Variants in DHRSX observed in about 807,000 individuals in gnomAD.
DHRSX encodes the protein dehydrogenase/reductase X-linked.
A neutral mutation model predicts 34.0 loss-of-function variants in DHRSX; 31 were observed. The ratio of observed to expected loss-of-function variants is 0.91; its 90% CI spans 0.69 to 1.23. DHRSX has a LOEUF of 1.23. Among genes scored for constraint, DHRSX ranks in the 50% most tolerant of loss-of-function variants. The pLI is 0.00. For synonymous variants in DHRSX, 201 were observed against 183.8 expected (o/e 1.09, Z -0.76); for missense variants, 414 against 428.1 (o/e 0.97, Z 0.29).
intron 4 of DHRSX, among the ~76,000 whole-genome samples, chrX:2,288,159 AAG>A (rs1248305851): frequency 5.9e-5 from 9 of 151,972 alleles, no homozygotes; most frequent in African/African-American, 2.2e-4. Context: ...GAGAGAGAGA[AAG>A]AGAGAGAAGG....
intron 2 of DHRSX, among the ~76,000 whole-genome samples, chrX:2,409,163 G>A (rs751653897): frequency 2.3e-4 from 35 of 152,312 alleles, no homozygotes; most frequent in South Asian, 8.3e-4. Flanking sequence ...GGATGGAAAC[G>A]AATTTTCGAA....
intron 2 of DHRSX, among the ~76,000 whole-genome samples, chrX:2,414,561 A>G (rs1487078759): frequency 2.6e-5 from 4 of 151,910 alleles, no homozygotes; most frequent in African/African-American, 9.7e-5. Flanking sequence ...ATTATATCTC[A>G]TCATGACCAT....
At chrX:2,338,841 G>A (rs186491701) in intron 3 of DHRSX, among the ~76,000 whole-genome samples, 3 of 151,870 alleles carry the variant, frequency 2.0e-5, no homozygotes, top group East Asian at 1.9e-4. Context: ...CAAAACCGAC[G>A]AAGACACCCC....
intron 3 of DHRSX, among the ~76,000 whole-genome samples, chrX:2,341,687 G>A (rs2042642241): frequency 4.2e-5 from 2 of 47,670 alleles, no homozygotes; most frequent in Admixed American, 4.0e-4. Flanking sequence ...GGGTAAAATA[G>A]AGGCACCATT....
intron 3 of DHRSX, among the ~76,000 whole-genome samples, chrX:2,299,925 C>A (rs1322327242): frequency 2.6e-5 from 4 of 151,672 alleles, no homozygotes; most frequent in Middle Eastern, 6.4e-3. Flanking sequence ...GAGGGCAAGT[C>A]AGAAATACAG....
intron 5 of DHRSX, among the ~76,000 whole-genome samples, chrX:2,246,748 G>GAAAGAAAGAAAGAAAA (rs776138629): frequency 9.6e-6 from 1 of 103,778 alleles, no homozygotes; most frequent in African/African-American, 3.1e-5. Flanking sequence ...AAGAAAGAAA[G>GAAAGAAAGAAAGAAAA]AAAAAGAAAG....
intron 3 of DHRSX, among the ~76,000 whole-genome samples, chrX:2,293,865 G>A (rs1236323991): frequency 2.6e-5 from 4 of 152,218 alleles, no homozygotes; most frequent in Non-Finnish European, 5.9e-5. Flanking sequence ...GCACTGATGT[G>A]TAAAATGCCA....
chrX:2,480,234 A>T (rs1227922184), intron 1 of DHRSX, among the ~76,000 whole-genome samples: 1 of 151,714 alleles, frequency 6.6e-6, no homozygotes, highest in Non-Finnish European at 1.5e-5. Flanking sequence ...GGACTGGAAG[A>T]TACAATGTGA....
intron 3 of DHRSX, among the ~76,000 whole-genome samples, chrX:2,313,626 C>A (rs1397938559): frequency 6.6e-6 from 1 of 151,768 alleles, no homozygotes; most frequent in African/African-American, 2.4e-5. Flanking sequence ...CTCGGCCTCC[C>A]AAAGTGCTAG....
intron 5 of DHRSX, among the ~76,000 whole-genome samples, chrX:2,250,420 C>A (rs2016410495): frequency 6.6e-6 from 1 of 152,054 alleles, no homozygotes; most frequent in South Asian, 2.1e-4. Flanking sequence ...ATCCCGAGAG[C>A]TGCTGGTGGC....
chrX:2,272,295 G>A lies in DHRSX; in HGVS notation c.389-5348C>T, dbSNP rs186363547. Reference sequence around the variant, plus strand: ...AATCTGGAGACACACAGCTCAATCCGTGCCTGAAGTGTCATAAATTCCCAG... The same window carrying A: ...AATCTGGAGACACACAGCTCAATCCATGCCTGAAGTGTCATAAATTCCCAG... On this transcript the variant is annotated intron_variant, in intron 4 of 6. Coordinates refer to ENST00000334651, the MANE Select transcript of DHRSX (RefSeq NM_145177.3). 4.2e-3 allele frequency among the ~76,000 whole-genome samples: 646 copies of A among 152,104 alleles called. 5 individuals carry two copies. The highest frequency in any genetic ancestry group is 0.017 in the Middle Eastern group (5 of 294).
intron 3 of DHRSX, among the ~76,000 whole-genome samples, chrX:2,394,868 GAAA>G (rs35184380): frequency 7.4e-6 from 1 of 135,524 alleles, no homozygotes; most frequent in African/African-American, 2.7e-5. Context: ...TCCGTCTCAT[GAAA>G]AAAAAAAAAA....
intron 1 of DHRSX, among the ~76,000 whole-genome samples, chrX:2,495,892 C>T (rs1202480802): frequency 2.6e-5 from 4 of 152,188 alleles, no homozygotes; most frequent in South Asian, 2.1e-4. Flanking sequence ...CTTACCAGAA[C>T]GACACGTCGC....
rs1362981723 is a variant in DHRSX at position 2,408,139 on chromosome X, G to A, written c.286+606C>T. ...TTTCTTTCTTTTTTTTTTTTGAGAC[G>A]GAGTCTTGCTCTCTCTCCCAGGCAG... On this transcript the variant is annotated intron_variant, in intron 3 of 6. Transcript: ENST00000334651. 4.7e-5 allele frequency among the ~76,000 whole-genome samples: 7 copies of A among 150,110 alleles called. 1 individual carries two copies. In the East Asian group the frequency reaches 5.8e-4, roughly 13 times the overall value.
chrX:2,363,326 C>T (rs1442365741), intron 3 of DHRSX, among the ~76,000 whole-genome samples: 1 of 146,890 alleles, frequency 6.8e-6, no homozygotes, highest in Non-Finnish European at 1.5e-5. Context: ...TATCATGCCT[C>T]CATTTTATCA....
At chrX:2,425,033 G>A (rs768289184) in intron 2 of DHRSX, among the ~76,000 whole-genome samples, 164 bp downstream of exon 2, 35 of 151,970 alleles carry the variant, frequency 2.3e-4, no homozygotes, top group African/African-American at 8.2e-4. Context: ...CCAGCTACTC[G>A]GGAGGCTGAG....
intron 1 of DHRSX, among the ~76,000 whole-genome samples, chrX:2,479,538 C>T (rs1272202686): frequency 6.6e-5 from 10 of 150,662 alleles, no homozygotes; most frequent in Non-Finnish European, 4.4e-5. Context: ...CAGGGGACCG[C>T]CACATGTGCA....
chrX:2,323,296 A>T (rs535234834), intron 3 of DHRSX, among the ~76,000 whole-genome samples: 1 of 152,306 alleles, frequency 6.6e-6, no homozygotes, highest in Admixed American at 6.5e-5. Context: ...CACAGGGTGA[A>T]TACATCTCCA....
At chrX:2,316,712 T>A (rs1303823655) in intron 3 of DHRSX, among the ~76,000 whole-genome samples, 13 of 152,174 alleles carry the variant, frequency 8.5e-5, no homozygotes, top group Non-Finnish European at 1.9e-4. Flanking sequence ...TGCCTAGTGT[T>A]CCATTATTGG....
Sources: gnomAD v4.1 joint callset for allele counts (sites outside exome capture counted in the v4.1 genomes callset) on GRCh38, gnomAD v4.1.1 for gene constraint, MANE v1.5 for transcripts, NCBI Gene and HGNC (gene_info 2026-07-23, HGNC 2026-07-21) for gene names.